IGF1R: variants seen among roughly 807,000 people sequenced by gnomAD.
The protein encoded by IGF1R is insulin like growth factor 1 receptor, also known as insulin-like growth factor 1 receptor.
Under a neutral mutation model 144.6 loss-of-function variants are expected in IGF1R, and 44 were observed. The observed-to-expected ratio is 0.30, with a 90% confidence interval of 0.24 to 0.39. The LOEUF is 0.39. Among genes scored for constraint, IGF1R ranks in the 10% least tolerant of loss-of-function variants. The pLI, the probability that IGF1R is intolerant of heterozygous loss-of-function variation, is 1.00. For synonymous variants in IGF1R, 795 were observed against 722.8 expected (o/e 1.10, Z -1.60); for missense variants, 1,355 against 1,833.7 (o/e 0.74, Z 4.77).
chr15:98,894,802 G>A (rs2014097554), intron 3 of IGF1R, among the ~76,000 whole-genome samples: 1 of 152,080 alleles, frequency 6.6e-6, no homozygotes. Flanking sequence ...TTGGGAGGCT[G>A]AGGCAGGCAG....
chr15:98,797,788 A>AACAAATGG (rs2141428721), intron 2 of IGF1R, among the ~76,000 whole-genome samples: 1 of 152,382 alleles, frequency 6.6e-6, no homozygotes, highest in East Asian at 1.9e-4. Context: ...CCAAATGGAA[A>AACAAATGG]ACAAATGGAA....
At chr15:98,933,645 G>A (rs1306135501) in intron 15 of IGF1R, among the ~76,000 whole-genome samples, 2 of 152,208 alleles carry the variant, frequency 1.3e-5, no homozygotes, top group Non-Finnish European at 2.9e-5. Context: ...TCTTAAACCA[G>A]ATCGAATCTA....
Position 98,956,352 on chromosome 15 carries a change from T to C in IGF1R, c.3723-709T>C, listed in dbSNP as rs182592338. Among the ~76,000 whole-genome samples, 9 of 152,294 alleles carry C rather than the reference T, an allele frequency of 5.9e-5. No homozygotes were observed. The East Asian group carries it at 1.5e-3, about 26-fold the overall frequency. On this transcript the variant is annotated intron_variant, in intron 20 of 20. Transcript: ENST00000650285. ...GCCCAGGGCTCTCCTTGCTGGCTTGTTGGAATCTGGCTTCAGGTCTACACG... is the reference window on the plus strand; with the variant it reads ...GCCCAGGGCTCTCCTTGCTGGCTTGCTGGAATCTGGCTTCAGGTCTACACG...
intron 2 of IGF1R, among the ~76,000 whole-genome samples, chr15:98,868,503 G>A (rs2012592215): frequency 6.6e-6 from 1 of 151,896 alleles, no homozygotes; most frequent in Admixed American, 6.6e-5. Flanking sequence ...CTCAGTCTGG[G>A]GAAATAATGC....
chr15:98,706,026 G>T (rs1473786339), intron 1 of IGF1R, among the ~76,000 whole-genome samples: 1 of 152,238 alleles, frequency 6.6e-6, no homozygotes, highest in African/African-American at 2.4e-5. Flanking sequence ...GAGCCGGCCT[G>T]TGTGCAGAGC....
At chr15:98,686,493 C>A (rs2053331715) in intron 1 of IGF1R, among the ~76,000 whole-genome samples, 1 of 152,132 alleles carries the variant, frequency 6.6e-6, no homozygotes, top group Admixed American at 6.5e-5. Flanking sequence ...AACCACTGTA[C>A]TGTTTTCCAT....
chr15:98,931,517 T>A (rs2015940194), intron 15 of IGF1R, among the ~76,000 whole-genome samples: 1 of 152,164 alleles, frequency 6.6e-6, no homozygotes, highest in Non-Finnish European at 1.5e-5. Context: ...TGAATGGGAA[T>A]CAGGTGCAGA....
intron 15 of IGF1R, among the ~76,000 whole-genome samples, chr15:98,931,199 G>T (rs1245441909): frequency 6.6e-6 from 1 of 152,154 alleles, no homozygotes; most frequent in Non-Finnish European, 1.5e-5. Flanking sequence ...CCCCGGGCAG[G>T]CAAGGAAACA....
At chr15:98,870,131 C>T (rs867310130) in intron 2 of IGF1R, among the ~76,000 whole-genome samples, 12 of 152,250 alleles carry the variant, frequency 7.9e-5, no homozygotes, top group Non-Finnish European at 1.2e-4. Flanking sequence ...ACCATCCAAC[C>T]GTTTTTATGT....
intron 2 of IGF1R, among the ~76,000 whole-genome samples, chr15:98,804,602 T>C (rs1303948674): frequency 6.6e-6 from 1 of 152,162 alleles, no homozygotes; most frequent in Non-Finnish European, 1.5e-5. Context: ...CTGCATTTGA[T>C]TGTGAATGCG....
chr15:98,758,888 G>A lies in IGF1R; in HGVS notation c.640+50781G>A, dbSNP rs528324349. Among the ~76,000 whole-genome samples the A allele has an allele frequency of 2.6e-5, 4 of 152,316 alleles. No individual in the cohort carries two copies. The South Asian group carries it at 8.3e-4, about 32-fold the overall frequency. Reference sequence around the variant, plus strand: ...ATATTTGTGTACATTTTTCTTTGCTGTATTGTGAGAAGGAGGTAGAAAAAA... The same window carrying A: ...ATATTTGTGTACATTTTTCTTTGCTATATTGTGAGAAGGAGGTAGAAAAAA... On this transcript the variant is annotated intron_variant, in intron 2 of 20. Coordinates refer to ENST00000650285, the MANE Select transcript of IGF1R (RefSeq NM_000875.5).
chr15:98,700,212 C>A (rs192928434), intron 1 of IGF1R, among the ~76,000 whole-genome samples: 85 of 152,220 alleles, frequency 5.6e-4, no homozygotes, highest in Non-Finnish European at 1.1e-3. Flanking sequence ...GTGCTGAGAC[C>A]TTGAAGGGCA....
intron 1 of IGF1R, among the ~76,000 whole-genome samples, chr15:98,688,995 C>G (rs1437753473): frequency 1.3e-5 from 2 of 152,170 alleles, no homozygotes; most frequent in Admixed American, 6.5e-5. Context: ...CTTTGGCTGC[C>G]CAGATGTTAA....
chr15:98,672,913 A>G (rs1567068360), intron 1 of IGF1R, among the ~76,000 whole-genome samples: 1 of 152,224 alleles, frequency 6.6e-6, no homozygotes, highest in Non-Finnish European at 1.5e-5. Flanking sequence ...CCTAATGTCC[A>G]GCTTCCTCTG....
At chr15:98,840,759 T>C (rs1396412309) in intron 2 of IGF1R, among the ~76,000 whole-genome samples, 3 of 149,940 alleles carry the variant, frequency 2.0e-5, no homozygotes, top group African/African-American at 7.4e-5. Context: ...CACTGCAGCC[T>C]CTCCCTCCCA....
At chr15:98,790,171 G>A (rs1461095875) in intron 2 of IGF1R, among the ~76,000 whole-genome samples, 4 of 152,176 alleles carry the variant, frequency 2.6e-5, no homozygotes, top group Non-Finnish European at 5.9e-5. Context: ...TGTGTGAGGT[G>A]GCCCAGCTTA....
chr15:98,690,120 T>C (rs901613382), intron 1 of IGF1R, among the ~76,000 whole-genome samples: 11 of 152,132 alleles, frequency 7.2e-5, no homozygotes, highest in African/African-American at 2.6e-4. Flanking sequence ...GACAGGAGGA[T>C]TTCTTGAGTC....
chr15:98,902,613 A>C (rs2014540644), intron 5 of IGF1R, among the ~76,000 whole-genome samples: 1 of 149,158 alleles, frequency 6.7e-6, no homozygotes, highest in Admixed American at 6.6e-5. Flanking sequence ...ACGGACTTTC[A>C]CCGTGTTGTT....
intron 2 of IGF1R, among the ~76,000 whole-genome samples, chr15:98,721,174 G>T (rs1040380290): frequency 6.6e-6 from 1 of 152,116 alleles, no homozygotes; most frequent in Non-Finnish European, 1.5e-5. Flanking sequence ...CTTCCATGAA[G>T]CCCCCCAAAT....
Sources: allele counts gnomAD v4.1 joint callset (sites outside exome capture counted in the v4.1 genomes callset), GRCh38; gene constraint gnomAD v4.1.1; transcripts MANE v1.5; gene names NCBI Gene and HGNC (gene_info 2026-07-23, HGNC 2026-07-21).